Variants in AKR1B1 observed in about 807,000 individuals in gnomAD.
AKR1B1 encodes aldo-keto reductase family 1 member B, also known as aldo-keto reductase family 1 member B1.
A neutral mutation model predicts 40.4 loss-of-function variants in AKR1B1; 22 were observed. The ratio of observed to expected loss-of-function variants is 0.54; its 90% CI spans 0.39 to 0.78. The LOEUF is 0.78. AKR1B1 is among the 30% of genes least tolerant of loss of function. The pLI is 0.00. For missense variants in AKR1B1, 357 were observed against 396.7 expected (o/e 0.90, Z 0.85); for synonymous variants, 157 against 149.9 (o/e 1.05, Z -0.35).
chr7:134,459,131 G>T (rs1279490518), upstream of AKR1B1: 8 of 1,536,922 alleles, frequency 5.2e-6, no homozygotes, highest in Admixed American at 1.9e-5. Flanking sequence ...CCTTTAAATA[G>T]CCCGTGAGGT....
intron 1 of AKR1B1, among the ~76,000 whole-genome samples, chr7:134,453,881 T>C (rs1287656920): frequency 4.6e-5 from 7 of 152,140 alleles, no homozygotes; most frequent in African/African-American, 1.7e-4. Context: ...ATTTGCCTTA[T>C]GAAAAATGAA....
chr7:134,442,912 G>A (rs973077831), intron 9 of AKR1B1, 142 bp from the exon 10 acceptor site: 1 of 808,170 alleles, frequency 1.2e-6, no homozygotes, highest in African/African-American at 1.7e-5. Context: ...GTGTGCAGAT[G>A]ATGGTTCTGC....
intron 6 of AKR1B1, 43 bp from the exon 7 acceptor site, chr7:134,448,104 C>T (rs1806160677): frequency 2.0e-6 from 3 of 1,515,548 alleles, no homozygotes; most frequent in African/African-American, 2.7e-5. Flanking sequence ...TCATGGCCAC[C>T]ACTCACAGCA....
At chr7:134,454,521 A>G (rs1215899260) in intron 1 of AKR1B1, among the ~76,000 whole-genome samples, 1 of 152,212 alleles carries the variant, frequency 6.6e-6, no homozygotes, top group Non-Finnish European at 1.5e-5. Flanking sequence ...TTCCCTCTGC[A>G]AGTCAAAAAG....
chr7:134,451,202 G>A (rs1360590596), intron 2 of AKR1B1: 1 of 546,628 alleles, frequency 1.8e-6, no homozygotes, highest in Non-Finnish European at 3.3e-6. Context: ...TGTTTGTGGA[G>A]CCAGCCCCAT....
Position 134,448,401 on chromosome 7 carries a change from A to G in AKR1B1, c.645T>C (p.Ser215=). Residue 215 remains serine (S), a synonymous_variant, in exon 6 of 10, where the codon TCT becomes TCC. Coordinates refer to ENST00000285930, the MANE Select transcript of AKR1B1 (RefSeq NM_001628.4). The part of the protein sequence containing the change: ...IVVTAYSPLG[S]PDRPWAKPED... ...GGGAAGCTCACCAGGGCCTGTCAGG[A>G]GAGCCGAGGGGGCTGTAGGCGGTCA... 1 of 1,613,548 alleles carries G rather than the reference A, an allele frequency of 6.2e-7. No individual in the cohort carries two copies. The highest frequency in any genetic ancestry group is 8.5e-7 in the Non-Finnish European group (1 of 1,179,606).
chr7:134,448,923 G>A, intron 5 of AKR1B1, 74 bp downstream of exon 5: 1 of 1,598,134 alleles, frequency 6.3e-7, no homozygotes, highest in Non-Finnish European at 8.6e-7. Context: ...GGGTGAGGTG[G>A]ACGAGAAATC....
intron 9 of AKR1B1, chr7:134,444,762 G>A (rs1806047179): frequency 4.6e-6 from 1 of 215,244 alleles, no homozygotes; most frequent in Non-Finnish European, 9.4e-6. Context: ...TGAGGTGCCT[G>A]CTGCTCAGAG....
At chr7:134,445,209 A>T (rs1199570918) in intron 9 of AKR1B1, 29 bp downstream of exon 9, 4 of 1,588,690 alleles carry the variant, frequency 2.5e-6, no homozygotes, top group Non-Finnish European at 3.4e-6. Flanking sequence ...ATCTCCTGGG[A>T]ACTGCTCCTC....
At chr7:134,445,135 G>C in intron 9 of AKR1B1, 103 bp downstream of exon 9, 1 of 1,022,806 alleles carries the variant, frequency 9.8e-7, no homozygotes, top group East Asian at 2.5e-5. Flanking sequence ...AAGAACAGCT[G>C]TGACGAGAGC....
rs1585711941 is a variant in AKR1B1 at position 134,449,246 on chromosome 7, A to G, written c.430-127T>C. The G allele has an allele frequency of 5.1e-6, 7 of 1,366,208 alleles. No individual in the cohort carries two copies. The East Asian group carries it at 1.6e-4, about 31-fold the overall frequency. 84.6% of individuals were successfully genotyped at this position (1,366,208 alleles called of 1,614,324 possible). Reference sequence around the variant, plus strand: ...GTGCCAGTGAATTAGACCTTTCAGAAGCTAAGAGACAGTGAGACGAAAGCC... The same window carrying G: ...GTGCCAGTGAATTAGACCTTTCAGAGGCTAAGAGACAGTGAGACGAAAGCC... On this transcript the variant is annotated intron_variant, in intron 4 of 9. Coordinates refer to ENST00000285930, the MANE Select transcript of AKR1B1 (RefSeq NM_001628.4).
intron 1 of AKR1B1, among the ~76,000 whole-genome samples, chr7:134,454,990 G>A (rs182705812): frequency 3.3e-5 from 5 of 152,254 alleles, no homozygotes; most frequent in Admixed American, 3.3e-4. Flanking sequence ...AGAGATGGGG[G>A]CTTTAGAGAC....
intron 1 of AKR1B1, among the ~76,000 whole-genome samples, chr7:134,453,181 C>T (rs1014986639): frequency 1.3e-5 from 2 of 152,210 alleles, no homozygotes; most frequent in African/African-American, 2.4e-5. Flanking sequence ...CCAGGACACA[C>T]TGAACTTTCT....
chr7:134,453,584 C>T (rs1041345942), intron 1 of AKR1B1, among the ~76,000 whole-genome samples: 1 of 151,866 alleles, frequency 6.6e-6, no homozygotes, highest in African/African-American at 2.4e-5. Flanking sequence ...TTCTTTGGAA[C>T]CAAAAGAGCA....
At chr7:134,455,569 T>C (rs866230528) in intron 1 of AKR1B1, among the ~76,000 whole-genome samples, 99 of 152,144 alleles carry the variant, frequency 6.5e-4, no homozygotes, top group African/African-American at 2.3e-3. Context: ...AATGCTGTGA[T>C]GGGTTTTTGT....
chr7:134,449,850 C>G (rs1750601022), intron 3 of AKR1B1, 53 bp from the exon 4 acceptor site: 1 of 1,451,038 alleles, frequency 6.9e-7, no homozygotes, highest in Non-Finnish European at 9.7e-7. Context: ...TAGTCCTTCA[C>G]AGACCTGCTG....
chr7:134,457,895 A>C (rs1806520362), intron 1 of AKR1B1, among the ~76,000 whole-genome samples: 1 of 152,046 alleles, frequency 6.6e-6, no homozygotes, highest in Admixed American at 6.5e-5. Flanking sequence ...AGCTACCCGC[A>C]GTGCTGAGGC....
At chr7:134,447,535 G>A (rs970869279) in intron 7 of AKR1B1, 154 bp from the exon 8 acceptor site, 70 of 717,800 alleles carry the variant, frequency 9.8e-5, no homozygotes, top group Admixed American at 5.2e-4. Flanking sequence ...GCTAGCAACA[G>A]GTAGGCGACG....
chr7:134,448,431 G>C lies in AKR1B1; in HGVS notation c.615C>G (p.Ile205Met). 1 of 1,613,972 alleles carries C rather than the reference G, an allele frequency of 6.2e-7. No homozygotes were observed. The highest frequency in any genetic ancestry group is 8.5e-7 in the Non-Finnish European group (1 of 1,179,890). The stretch of plus-strand genomic sequence containing the variant: ...CGAGGGGGCTGTAGGCGGTCACCAC[G>C]ATGCCTTTGGACTGGCAGTACTGGA... ...KLIQYCQSKG[I>M]VVTAYSPLGS... Residue 205 changes from isoleucine to methionine, a missense_variant, in exon 6 of 10, where the codon ATC becomes ATG. By Grantham distance (10) the Ile-to-Met change is conservative. Transcript: ENST00000285930.
Sources: allele counts gnomAD v4.1 joint callset (sites outside exome capture counted in the v4.1 genomes callset), GRCh38; gene constraint gnomAD v4.1.1; transcripts MANE v1.5; gene names NCBI Gene and HGNC (gene_info 2026-07-23, HGNC 2026-07-21).